DMD: variants seen among roughly 807,000 people sequenced by gnomAD.
The protein encoded by DMD is dystrophin, also known as mutant dystrophin.
A neutral mutation model predicts 330.1 loss-of-function variants in DMD; 63 were observed. The ratio of observed to expected loss-of-function variants is 0.19; its 90% CI spans 0.16 to 0.24. The LOEUF (loss-of-function observed/expected upper bound fraction) is 0.24, where lower values mean the gene tolerates loss of function less well. Ranked by LOEUF, DMD falls within the 10% of genes least tolerant of loss-of-function variation. The pLI, the probability that DMD is intolerant of heterozygous loss-of-function variation, is 1.00. For synonymous variants in DMD, 1,223 were observed against 959.8 expected (o/e 1.27, Z -5.07); for missense variants, 3,344 against 2,684.1 (o/e 1.25, Z -5.43).
At chrX:32,205,570 G>A (rs2097064564) in intron 44 of DMD, among the ~76,000 whole-genome samples, 1 of 111,091 alleles carries the variant, frequency 9.0e-6, no homozygotes, top group Non-Finnish European at 1.9e-5. Context: ...CCACTTAAAT[G>A]TTTCAATTGT....
chrX:33,123,648 C>T (rs1231244845), intron 1 of DMD, among the ~76,000 whole-genome samples: 3 of 108,390 alleles, frequency 2.8e-5, no homozygotes, highest in South Asian at 4.1e-4. Flanking sequence ...AAACTCCTGA[C>T]CTCAAGTGAT....
intron 61 of DMD, among the ~76,000 whole-genome samples, chrX:31,329,332 C>T (rs1253410923): frequency 9.0e-6 from 1 of 111,481 alleles, no homozygotes; most frequent in East Asian, 2.8e-4. Context: ...GTATACACCA[C>T]ATTTTCATAC....
At chrX:31,298,410 TACACACAC>T (rs35043650) in intron 62 of DMD, among the ~76,000 whole-genome samples, 1 of 97,860 alleles carries the variant, frequency 1.0e-5, no homozygotes, top group African/African-American at 4.1e-5. Context: ...CACACACACA[TACACACAC>T]ACACACACAC....
chrX:31,347,579 T>C (rs1408453426), intron 61 of DMD, among the ~76,000 whole-genome samples: 1 of 112,496 alleles, frequency 8.9e-6, no homozygotes, highest in South Asian at 3.7e-4. Flanking sequence ...GTTTCATTCT[T>C]GCAGTGTTTC....
intron 44 of DMD, among the ~76,000 whole-genome samples, chrX:32,048,627 G>A (rs910157771): frequency 2.7e-5 from 3 of 109,167 alleles, no homozygotes; most frequent in Admixed American, 2.0e-4. Flanking sequence ...TTTTTTCATC[G>A]TACTTTTAAT....
intron 67 of DMD, among the ~76,000 whole-genome samples, chrX:31,192,986 C>T (rs942667179): frequency 9.0e-6 from 1 of 111,580 alleles, no homozygotes; most frequent in Admixed American, 9.5e-5. Flanking sequence ...AGTGAATACC[C>T]CACAACACTG....
intron 57 of DMD, among the ~76,000 whole-genome samples, chrX:31,494,200 T>G (rs1238396773): frequency 3.7e-5 from 4 of 107,011 alleles, no homozygotes; most frequent in Non-Finnish European, 7.7e-5. Flanking sequence ...GTCTTGGTAG[T>G]GGAAGGCTGA....
intron 48 of DMD, among the ~76,000 whole-genome samples, chrX:31,846,549 A>T (rs2093430351): frequency 9.0e-6 from 1 of 111,559 alleles, no homozygotes; most frequent in African/African-American, 3.3e-5. Flanking sequence ...ATATGATAAA[A>T]ATTCTTAACA....
chrX:31,331,875 G>C (rs989298114), intron 61 of DMD, among the ~76,000 whole-genome samples: 8 of 112,085 alleles, frequency 7.1e-5, no homozygotes, highest in African/African-American at 2.3e-4. Context: ...AGACAGTAGG[G>C]AGCAACTCAG....
At chrX:31,257,834 T>A (rs1275490318) in intron 63 of DMD, among the ~76,000 whole-genome samples, 1 of 111,849 alleles carries the variant, frequency 8.9e-6, no homozygotes, top group African/African-American at 3.3e-5. Flanking sequence ...TAATCCCAGC[T>A]ACTCGGGAGG....
chrX:33,296,261 A>T (rs2053582463), intron 1 of DMD, among the ~76,000 whole-genome samples: 1 of 111,064 alleles, frequency 9.0e-6, no homozygotes, highest in Non-Finnish European at 1.9e-5. Flanking sequence ...CCCACATGAA[A>T]CATCACTGTC....
chrX:31,530,647 C>CTTTTTTTTTTTTTTTTTTTTTTTTT (rs1192286078), intron 55 of DMD, among the ~76,000 whole-genome samples: 2 of 49,843 alleles, frequency 4.0e-5, no homozygotes, highest in African/African-American at 7.8e-5. Context: ...ACTGGTTTCT[C>CTTTTTTTTTTTTTTTTTTTTTTTTT]TTTTTTTTTT....
At chrX:32,128,918 C>T (rs1177051152) in intron 44 of DMD, among the ~76,000 whole-genome samples, 1 of 111,530 alleles carries the variant, frequency 9.0e-6, no homozygotes, top group East Asian at 2.8e-4. Flanking sequence ...AAGCATCGAA[C>T]AGAGGATCTG....
Position 32,345,946 on chromosome X carries a change from G to A in DMD, c.5583C>T (p.Leu1861=), listed in dbSNP as rs775837149. The A allele has an allele frequency of 7.5e-6, 9 of 1,204,892 alleles. No individual in the cohort carries two copies. Among genetic ancestry groups the A allele is most frequent in the Non-Finnish European group, 1.0e-5 (9 of 892,816 alleles). ...ATTATAATTTTAGCTCTAATACCTT[G>A]AGAGCATTATGTTTTGTCTGTAACA... The part of the protein sequence containing the change: ...QQLLQTKHNA[L]KDLRSQRRKK... The change falls in exon 39 of 79, where the codon CTC becomes CTT. Residue 1861 remains leucine (L), a synonymous_variant. Transcript: ENST00000357033.
intron 18 of DMD, among the ~76,000 whole-genome samples, chrX:32,505,820 G>A (rs1433960335): frequency 8.9e-6 from 1 of 111,775 alleles, no homozygotes; most frequent in Non-Finnish European, 1.9e-5. Flanking sequence ...ATTATTCAGT[G>A]CTTAAAAATG....
At chrX:31,512,914 A>G (rs2071779212) in intron 55 of DMD, among the ~76,000 whole-genome samples, 1 of 108,282 alleles carries the variant, frequency 9.2e-6, no homozygotes, top group South Asian at 4.0e-4. Flanking sequence ...GAATCTGTAA[A>G]TCACCTTGGG....
chrX:33,207,622 T>C (rs1490648204), intron 1 of DMD, among the ~76,000 whole-genome samples: 1 of 111,039 alleles, frequency 9.0e-6, no homozygotes, highest in East Asian at 2.8e-4. Context: ...CTTGGTAAAA[T>C]AATAAATTAT....
chrX:32,725,419 T>C (rs1028879931), intron 7 of DMD, among the ~76,000 whole-genome samples: 6 of 111,092 alleles, frequency 5.4e-5, no homozygotes, highest in African/African-American at 1.6e-4. Context: ...CCTATAAAGA[T>C]ACACATGGGC....
intron 49 of DMD, among the ~76,000 whole-genome samples, chrX:31,835,868 T>A (rs1161746926): frequency 9.0e-6 from 1 of 111,679 alleles, no homozygotes; most frequent in Admixed American, 9.5e-5. Context: ...GTTCATTGTA[T>A]CCAAGCCTGC....
Sources: gnomAD v4.1 joint callset for allele counts (sites outside exome capture counted in the v4.1 genomes callset) on GRCh38, gnomAD v4.1.1 for gene constraint, MANE v1.5 for transcripts, NCBI Gene and HGNC (gene_info 2026-07-23, HGNC 2026-07-21) for gene names.